The following BMPER variants were observed in gnomAD, a reference collection of about 807,000 sequenced individuals.
BMPER encodes BMP-binding endothelial regulator protein.
BMPER carries 45 observed loss-of-function variants against 87.3 expected under a neutral mutation model. The observed-to-expected ratio is 0.52, with a 90% CI of 0.41 to 0.66. The LOEUF is 0.66. Among genes scored for constraint, BMPER ranks in the 30% least tolerant of loss-of-function variants. The pLI, the probability that BMPER is intolerant of heterozygous loss-of-function variation, is 0.00. For missense variants in BMPER, 784 were observed against 867.5 expected (o/e 0.90, Z 1.21); for synonymous variants, 326 against 316.2 (o/e 1.03, Z -0.33).
intron 11 of BMPER, among the ~76,000 whole-genome samples, chr7:34,062,715 T>A (rs1313013467): frequency 5.3e-5 from 8 of 152,236 alleles, no homozygotes; most frequent in African/African-American, 1.4e-4. Context: ...TGGTATAGCC[T>A]GTGGCTTCTA....
intron 11 of BMPER, among the ~76,000 whole-genome samples, chr7:34,076,040 A>G (rs1004724225): frequency 6.6e-6 from 1 of 152,260 alleles, no homozygotes; most frequent in African/African-American, 2.4e-5. Flanking sequence ...GCTGTCAAAC[A>G]GAAAAATCAT....
At chr7:33,921,920 C>T (rs1187544761) in intron 2 of BMPER, 2 of 460,020 alleles carry the variant, frequency 4.3e-6, no homozygotes, top group Non-Finnish European at 9.0e-6. Context: ...CCCCACTTCA[C>T]CCCAACCCCT....
At chr7:33,931,286 C>G (rs1784473521) in intron 2 of BMPER, among the ~76,000 whole-genome samples, 1 of 152,190 alleles carries the variant, frequency 6.6e-6, no homozygotes, top group Admixed American at 6.5e-5. Context: ...TAGTGCTGTG[C>G]TTTACAAACT....
At chr7:33,924,398 A>G (rs1784308526) in intron 2 of BMPER, among the ~76,000 whole-genome samples, 1 of 152,212 alleles carries the variant, frequency 6.6e-6, no homozygotes, top group Admixed American at 6.5e-5. Flanking sequence ...CAGCTTGAAG[A>G]ATAACCACTA....
chr7:34,120,453 C>T (rs1403805779), intron 13 of BMPER, among the ~76,000 whole-genome samples: 4 of 151,570 alleles, frequency 2.6e-5, no homozygotes, highest in South Asian at 2.1e-4. Flanking sequence ...GACTGGAGTG[C>T]GATGGCACAA....
intron 11 of BMPER, among the ~76,000 whole-genome samples, chr7:34,073,169 T>C (rs1433904181): frequency 6.6e-6 from 1 of 152,220 alleles, no homozygotes; most frequent in Non-Finnish European, 1.5e-5. Flanking sequence ...ACATAATATG[T>C]GTTACAGCAG....
In BMPER at chr7:34,016,801, C is replaced by A. The variant is rs566879132; in HGVS notation, c.577-29505C>A. Among the ~76,000 whole-genome samples the A allele has an allele frequency of 5.3e-5, 8 of 151,840 alleles. No homozygotes were observed. The East Asian group carries it at 1.2e-3, about 22-fold the overall frequency. On this transcript the variant is annotated intron_variant, in intron 6 of 14. Transcript: ENST00000649409. ...AAACCCATTTTTCCAACAGAAAAAA[C>A]CTTTTTTTTGTGGGGGTGGAAGCAA...
At chr7:34,071,015 C>T (rs1041149882) in intron 11 of BMPER, among the ~76,000 whole-genome samples, 3 of 152,168 alleles carry the variant, frequency 2.0e-5, no homozygotes, top group East Asian at 1.9e-4. Context: ...CACTCTGGTG[C>T]GATTGGCCTC....
At chr7:34,100,050 C>T (rs1789638189) in intron 13 of BMPER, among the ~76,000 whole-genome samples, 2 of 152,080 alleles carry the variant, frequency 1.3e-5, no homozygotes, top group African/African-American at 4.8e-5. Context: ...TCCTTCCTCC[C>T]TCCCTCCCTC....
intron 11 of BMPER, among the ~76,000 whole-genome samples, chr7:34,064,210 G>GAAC (rs1222734152): frequency 6.6e-6 from 1 of 151,432 alleles, no homozygotes; most frequent in African/African-American, 2.4e-5. Context: ...AGAATAGCTT[G>GAAC]AACTTGGGAG....
At chr7:34,018,987 T>C (rs1787110552) in intron 6 of BMPER, among the ~76,000 whole-genome samples, 1 of 151,936 alleles carries the variant, frequency 6.6e-6, no homozygotes, top group African/African-American at 2.4e-5. Context: ...TAAAATCTTC[T>C]TCAGTGCTTG....
At chr7:33,913,612 A>G (rs1784015024) in intron 2 of BMPER, among the ~76,000 whole-genome samples, 1 of 152,172 alleles carries the variant, frequency 6.6e-6, no homozygotes, top group Admixed American at 6.5e-5. Flanking sequence ...CCAGTTCTAG[A>G]GTATTTACGT....
chr7:34,129,586 G>GAGAGAGAGAGAGAGAGAA (rs1790499769), intron 13 of BMPER, among the ~76,000 whole-genome samples: 1 of 72,730 alleles, frequency 1.4e-5, no homozygotes, highest in African/African-American at 5.6e-5. Context: ...AGGAGAGAGA[G>GAGAGAGAGAGAGAGAGAA]AGAGAGAGAG....
At chr7:33,954,929 C>T (rs1032445597) in intron 3 of BMPER, among the ~76,000 whole-genome samples, 2 of 152,082 alleles carry the variant, frequency 1.3e-5, no homozygotes, top group African/African-American at 2.4e-5. Context: ...TGGAGTTTCA[C>T]TCTTGTTGCA....
At chr7:33,928,937 A>G (rs977307847) in intron 2 of BMPER, among the ~76,000 whole-genome samples, 3 of 152,150 alleles carry the variant, frequency 2.0e-5, no homozygotes, top group Non-Finnish European at 2.9e-5. Context: ...ACAGAACCTC[A>G]GGGGGTCTTA....
At chr7:34,116,003 T>A (rs773116969) in intron 13 of BMPER, among the ~76,000 whole-genome samples, 20 of 152,344 alleles carry the variant, frequency 1.3e-4, no homozygotes, top group Non-Finnish European at 2.1e-4. Flanking sequence ...AAAGCCATCC[T>A]AGTGGGTATG....
At chr7:33,944,980 C>T (rs1050940010) in intron 3 of BMPER, among the ~76,000 whole-genome samples, 1 of 152,186 alleles carries the variant, frequency 6.6e-6, no homozygotes, top group East Asian at 1.9e-4. Context: ...CTCGCTCTGT[C>T]ACCCAGGCTG....
At chr7:34,060,825 A>C (rs983752182) in intron 10 of BMPER, among the ~76,000 whole-genome samples, 8 of 152,208 alleles carry the variant, frequency 5.3e-5, no homozygotes, top group Non-Finnish European at 1.2e-4. Context: ...GGTTATTGTG[A>C]AATTTAAATG....
chr7:34,042,392 G>C (rs561626555), intron 6 of BMPER, among the ~76,000 whole-genome samples: 1 of 152,064 alleles, frequency 6.6e-6, no homozygotes, highest in Non-Finnish European at 1.5e-5. Context: ...ACAGTCATTT[G>C]TCCTTATGTA....
Sources: gnomAD v4.1 joint callset for allele counts (sites outside exome capture counted in the v4.1 genomes callset) on GRCh38, gnomAD v4.1.1 for gene constraint, MANE v1.5 for transcripts, NCBI Gene and HGNC (gene_info 2026-07-23, HGNC 2026-07-21) for gene names.